Variants in GABBR2 observed in about 807,000 individuals in gnomAD.
GABBR2 encodes G-protein coupled receptor 51.
In GABBR2, 23 loss-of-function variants were observed where a neutral mutation model predicts 105.6. That is an observed-to-expected ratio of 0.22 (90% CI 0.16 to 0.31). The LOEUF (loss-of-function observed/expected upper bound fraction) is 0.31, where lower values mean the gene tolerates loss of function less well. GABBR2 is among the 10% of genes least tolerant of loss of function. The pLI, the probability that GABBR2 is intolerant of heterozygous loss-of-function variation, is 1.00. For missense variants in GABBR2, 734 were observed against 1,245.5 expected, an observed-to-expected ratio of 0.59 and a Z score of 6.18; for synonymous variants, 478 against 499.7, an observed-to-expected ratio of 0.96 and a Z score of 0.58.
chr9:98,670,020 C>G (rs1258677087), intron 1 of GABBR2, among the ~76,000 whole-genome samples: 3 of 152,098 alleles, frequency 2.0e-5, no homozygotes, highest in Non-Finnish European at 4.4e-5. Flanking sequence ...TGCCAGCAAG[C>G]CACGTGTGCA....
chr9:98,624,283 C>G (rs1218132538), intron 1 of GABBR2, among the ~76,000 whole-genome samples: 1 of 152,160 alleles, frequency 6.6e-6, no homozygotes, highest in Non-Finnish European at 1.5e-5. Context: ...CCAGGGCCTA[C>G]AAGTCTCAGC....
intron 1 of GABBR2, among the ~76,000 whole-genome samples, chr9:98,602,347 C>T (rs1350653031): frequency 6.6e-6 from 1 of 151,376 alleles, no homozygotes; most frequent in Non-Finnish European, 1.5e-5. Flanking sequence ...TGGCAGGCAC[C>T]CGTAATCCCA....
chr9:98,320,629 C>T (rs566646005), intron 13 of GABBR2, among the ~76,000 whole-genome samples: 6 of 152,030 alleles, frequency 3.9e-5, no homozygotes, highest in Non-Finnish European at 8.8e-5. Flanking sequence ...ACATATACAC[C>T]ATGGAATACT....
chr9:98,456,073 C>G (rs1040573880), intron 6 of GABBR2, among the ~76,000 whole-genome samples: 4 of 152,192 alleles, frequency 2.6e-5, no homozygotes, highest in African/African-American at 9.6e-5. Context: ...CAGCTCAGCT[C>G]CCTGAGTTCG....
chr9:98,493,819 T>G (rs1234959586), intron 4 of GABBR2, among the ~76,000 whole-genome samples: 1 of 152,200 alleles, frequency 6.6e-6, no homozygotes, highest in Non-Finnish European at 1.5e-5. Flanking sequence ...CAACAAATTG[T>G]TGAGCAAATT....
At chr9:98,674,344 C>T (rs1191527604) in intron 1 of GABBR2, among the ~76,000 whole-genome samples, 2 of 152,134 alleles carry the variant, frequency 1.3e-5, no homozygotes, top group African/African-American at 2.4e-5. Context: ...CACCCAATCA[C>T]GAAAGCCAGG....
chr9:98,703,610 A>C (rs1201961563), intron 1 of GABBR2, among the ~76,000 whole-genome samples: 1 of 152,026 alleles, frequency 6.6e-6, no homozygotes, highest in Non-Finnish European at 1.5e-5. Flanking sequence ...CTCCTGCCTC[A>C]ACCTCCCTAG....
chr9:98,503,539 A>C (rs2779557), intron 3 of GABBR2, among the ~76,000 whole-genome samples: 146,266 of 152,174 alleles, frequency 0.96, 70,348 homozygotes, highest in African/African-American at 0.99. Flanking sequence ...ATGGTCCGGG[A>C]GAGGGATTCT....
Position 98,499,138 on chromosome 9 carries a change from C to T in GABBR2, c.631-2624G>A, listed in dbSNP as rs1827346803. ...GCTTTGTAAACTCTAAAGTTCTACA[C>T]ACCACTTAGAAGTTGGAGTGATCAT... On this transcript the variant is annotated intron_variant, in intron 3 of 18. Transcript: ENST00000259455. Among the ~76,000 whole-genome samples, 2 of 152,356 alleles carry T rather than the reference C, an allele frequency of 1.3e-5. 1 individual carries two copies. The highest frequency in any genetic ancestry group is 4.1e-4 in the South Asian group (2 of 4,828).
intron 13 of GABBR2, among the ~76,000 whole-genome samples, chr9:98,361,664 G>T (rs1010079283): frequency 6.6e-6 from 1 of 152,154 alleles, no homozygotes. Flanking sequence ...CTTGGCCCGT[G>T]GGCAGAGCCA....
At chr9:98,488,605 ATC>A (rs1279279266) in intron 4 of GABBR2, among the ~76,000 whole-genome samples, 1 of 151,794 alleles carries the variant, frequency 6.6e-6, no homozygotes, top group Admixed American at 6.6e-5. Context: ...CTTTCTGCTT[ATC>A]TCTGTCTTTC....
intron 7 of GABBR2, among the ~76,000 whole-genome samples, chr9:98,410,780 G>T (rs1004161869): frequency 6.6e-6 from 1 of 152,064 alleles, no homozygotes; most frequent in Admixed American, 6.5e-5. Flanking sequence ...TTCCCTGGAA[G>T]TAAGATCTGG....
At chr9:98,456,236 A>G (rs1174679268) in intron 6 of GABBR2, among the ~76,000 whole-genome samples, 1 of 152,136 alleles carries the variant, frequency 6.6e-6, no homozygotes, top group Non-Finnish European at 1.5e-5. Flanking sequence ...TCCCTTGATC[A>G]CATCAAGTTG....
intron 5 of GABBR2, among the ~76,000 whole-genome samples, chr9:98,475,297 A>C (rs1181189876): frequency 1.3e-5 from 2 of 152,090 alleles, no homozygotes; most frequent in African/African-American, 4.8e-5. Context: ...AAAAGCAGGC[A>C]GTCTCCGGGG....
chr9:98,576,865 C>T (rs1367800424), intron 2 of GABBR2, among the ~76,000 whole-genome samples: 1 of 151,650 alleles, frequency 6.6e-6, no homozygotes, highest in African/African-American at 2.4e-5. Flanking sequence ...AGTGTGCCTA[C>T]CAAAATCCAG....
At chr9:98,434,611 C>T (rs1825869331) in intron 7 of GABBR2, among the ~76,000 whole-genome samples, 1 of 152,196 alleles carries the variant, frequency 6.6e-6, no homozygotes, top group African/African-American at 2.4e-5. Context: ...AGCTGATATA[C>T]ACCAATTCCA....
chr9:98,552,833 A>G (rs1211862682), intron 2 of GABBR2, among the ~76,000 whole-genome samples: 1 of 152,108 alleles, frequency 6.6e-6, no homozygotes, highest in East Asian at 1.9e-4. Context: ...TCAAATGCAC[A>G]GCAGTTCAGC....
intron 13 of GABBR2, among the ~76,000 whole-genome samples, chr9:98,341,588 A>G (rs1193821602): frequency 6.6e-6 from 1 of 152,246 alleles, no homozygotes; most frequent in African/African-American, 2.4e-5. Flanking sequence ...TCTGGCAGCC[A>G]AGGTTAAAAA....
chr9:98,586,970 G>A (rs1207407190), intron 1 of GABBR2, among the ~76,000 whole-genome samples: 1 of 152,208 alleles, frequency 6.6e-6, no homozygotes, highest in Non-Finnish European at 1.5e-5. Flanking sequence ...TATAAACCTG[G>A]AAATTGAATT....
Sources: gnomAD v4.1 joint callset for allele counts (sites outside exome capture counted in the v4.1 genomes callset) on GRCh38, gnomAD v4.1.1 for gene constraint, MANE v1.5 for transcripts, NCBI Gene and HGNC (gene_info 2026-07-23, HGNC 2026-07-21) for gene names.